The following SCMH1 variants were observed in gnomAD, a reference collection of about 807,000 sequenced individuals.
SCMH1 encodes Scm polycomb group protein homolog 1, also known as polycomb protein SCMH1.
In SCMH1, 37 loss-of-function variants were observed where a neutral mutation model predicts 70.8. The ratio of observed to expected loss-of-function variants is 0.52; its 90% CI spans 0.40 to 0.69. The LOEUF (loss-of-function observed/expected upper bound fraction) is 0.69. SCMH1 is among the 30% of genes least tolerant of loss of function. The pLI, the probability that SCMH1 is intolerant of heterozygous loss-of-function variation, is 0.00. For synonymous variants in SCMH1, 292 were observed against 307.4 expected, an observed-to-expected ratio of 0.95 and a Z score of 0.52; for missense variants, 607 against 827.3, an observed-to-expected ratio of 0.73 and a Z score of 3.27.
At chr1:41,173,701 T>C (rs1175765204) in intron 2 of SCMH1, among the ~76,000 whole-genome samples, 2 of 152,198 alleles carry the variant, frequency 1.3e-5, no homozygotes, top group African/African-American at 4.8e-5. Flanking sequence ...AGTCAAGATA[T>C]GGGATCAACC....
intron 5 of SCMH1, among the ~76,000 whole-genome samples, chr1:41,146,726 T>C (rs1373139712): frequency 6.6e-6 from 1 of 152,144 alleles, no homozygotes; most frequent in Non-Finnish European, 1.5e-5. Flanking sequence ...GCAAGTATAT[T>C]CTATGTTCAC....
chr1:41,066,824 A>G (rs965824888), intron 10 of SCMH1, among the ~76,000 whole-genome samples: 1 of 152,080 alleles, frequency 6.6e-6, no homozygotes, highest in Non-Finnish European at 1.5e-5. Context: ...TCCTGAGCTC[A>G]AGTGATACAC....
At chr1:41,179,223 C>T (rs2148582496) in intron 2 of SCMH1, among the ~76,000 whole-genome samples, 1 of 152,116 alleles carries the variant, frequency 6.6e-6, no homozygotes, top group South Asian at 2.1e-4. Context: ...ATCTCTGGGA[C>T]ACATTCAAAG....
intron 5 of SCMH1, among the ~76,000 whole-genome samples, chr1:41,149,960 T>C (rs1644916242): frequency 6.6e-6 from 1 of 152,204 alleles, no homozygotes; most frequent in African/African-American, 2.4e-5. Flanking sequence ...TTTCTTTGTG[T>C]GCAGCTTTCT....
intron 8 of SCMH1, among the ~76,000 whole-genome samples, chr1:41,097,508 AC>A: frequency 6.6e-6 from 1 of 152,142 alleles, no homozygotes; most frequent in Non-Finnish European, 1.5e-5. Flanking sequence ...TCACTCTGTC[AC>A]CCAGGCTGGA....
exon 15 of SCMH1, chr1:41,028,313 C>T: frequency 3.1e-6 from 5 of 1,611,416 alleles, no homozygotes; most frequent in East Asian, 2.2e-5. Context: ...GCCTTGCCAT[C>T]GATCTCCTGG....
intron 10 of SCMH1, among the ~76,000 whole-genome samples, chr1:41,049,169 T>A (rs1377786386): frequency 6.6e-6 from 1 of 152,184 alleles, no homozygotes; most frequent in East Asian, 1.9e-4. Context: ...TTGTCTTCTG[T>A]GCACTGAAAA....
intron 8 of SCMH1, among the ~76,000 whole-genome samples, chr1:41,087,267 T>C (rs774310417): frequency 6.6e-6 from 1 of 151,958 alleles, no homozygotes. Context: ...AAAAACAATA[T>C]ATAAGTACTA....
In SCMH1 at chr1:41,037,421, A is replaced by G; in HGVS notation, c.1619T>C (p.Leu540Pro). The change falls in exon 13 of 15, where the codon CTT becomes CCT. Residue 540 changes from leucine to proline, a missense_variant. This residue lies in a region of SCMH1 where 430 missense variants were observed against 528.2 expected (regional missense o/e 0.81). Transcript: ENST00000337495. ...GCTTGGTGGGAGGCCACAGGATGAAAGCAAGGGCCGGTGCCTTTGGGAGGT... is the reference window on the plus strand; with the variant it reads ...GCTTGGTGGGAGGCCACAGGATGAAGGCAAGGGCCGGTGCCTTTGGGAGGT... 3 of 1,614,238 alleles carry G rather than the reference A, an allele frequency of 1.9e-6. 1 individual carries two copies. The South Asian group carries it at 3.3e-5, about 18-fold the overall frequency.
intron 8 of SCMH1, among the ~76,000 whole-genome samples, chr1:41,089,444 A>C (rs1662680933): frequency 6.6e-6 from 1 of 152,176 alleles, no homozygotes; most frequent in Non-Finnish European, 1.5e-5. Context: ...ATAACTTGAA[A>C]ATGTATTAAC....
At chr1:41,110,910 T>A (rs560282785) in intron 8 of SCMH1, among the ~76,000 whole-genome samples, 2 of 152,354 alleles carry the variant, frequency 1.3e-5, no homozygotes, top group East Asian at 3.9e-4. Flanking sequence ...CCAGCAATGA[T>A]CGAGAATTCC....
At chr1:41,111,313 C>T (rs1330565723) in intron 8 of SCMH1, among the ~76,000 whole-genome samples, 1 of 152,118 alleles carries the variant, frequency 6.6e-6, no homozygotes, top group Non-Finnish European at 1.5e-5. Flanking sequence ...TGATTTGGCA[C>T]CTGTCCACTT....
At chr1:41,099,022 C>A in intron 8 of SCMH1, 1 of 257,538 alleles carries the variant, frequency 3.9e-6, no homozygotes, top group South Asian at 5.6e-5. Context: ...AGCTCTATGA[C>A]ACTGATGTGG....
chr1:41,128,322 T>C (rs1422707865), intron 6 of SCMH1, among the ~76,000 whole-genome samples: 1 of 152,210 alleles, frequency 6.6e-6, no homozygotes, highest in African/African-American at 2.4e-5. Flanking sequence ...TTTAAGGACT[T>C]CACTTAACCT....
At chr1:41,058,097 AG>A (rs1217866764) in intron 10 of SCMH1, among the ~76,000 whole-genome samples, 2 of 148,440 alleles carry the variant, frequency 1.3e-5, no homozygotes, top group African/African-American at 5.0e-5. Context: ...CTCCAGCCTG[AG>A]AGACAGAGGG....
chr1:41,109,951 T>C (rs1342432728), intron 8 of SCMH1, among the ~76,000 whole-genome samples: 6 of 152,206 alleles, frequency 3.9e-5, no homozygotes, highest in Non-Finnish European at 2.9e-5. Context: ...ATCAACCTAT[T>C]AACTGAATAA....
intron 4 of SCMH1, chr1:41,152,719 G>A: frequency 6.2e-7 from 1 of 1,611,202 alleles, no homozygotes; most frequent in Non-Finnish European, 8.5e-7. Context: ...AGCCCCTTTG[G>A]GCCATGCAAA....
intron 13 of SCMH1, among the ~76,000 whole-genome samples, chr1:41,036,026 C>T (rs1035584599): frequency 2.6e-5 from 4 of 152,094 alleles, no homozygotes; most frequent in Non-Finnish European, 5.9e-5. Flanking sequence ...TCTAAATTTT[C>T]CCTCACTTTG....
chr1:41,157,485 T>G (rs976750765), intron 4 of SCMH1, among the ~76,000 whole-genome samples: 1 of 152,220 alleles, frequency 6.6e-6, no homozygotes, highest in African/African-American at 2.4e-5. Context: ...AGAGAAAGTG[T>G]TCTTTTCACT....
Sources: allele counts gnomAD v4.1 joint callset (sites outside exome capture counted in the v4.1 genomes callset), GRCh38; gene constraint gnomAD v4.1.1; regional missense constraint gnomAD v4.1.1; transcripts MANE v1.5; gene names NCBI Gene and HGNC (gene_info 2026-07-23, HGNC 2026-07-21).